ACAN: variants seen among roughly 807,000 people sequenced by gnomAD.
ACAN encodes the protein aggrecan core protein.
Under a neutral mutation model 169.1 loss-of-function variants are expected in ACAN, and 47 were observed. The observed-to-expected ratio is 0.28, with a 90% CI of 0.22 to 0.35. ACAN has a LOEUF of 0.35. Among genes scored for constraint, ACAN ranks in the 10% least tolerant of loss-of-function variants. The pLI is 1.00. For synonymous variants in ACAN, 1,115 were observed against 1,112.2 expected, an observed-to-expected ratio of 1.00 and a Z score of -0.05; for missense variants, 2,716 against 2,759.9, an observed-to-expected ratio of 0.98 and a Z score of 0.36.
chr15:88,811,312 C>T (rs116913154), intron 1 of ACAN, among the ~76,000 whole-genome samples: 153 of 152,280 alleles, frequency 1.0e-3, no homozygotes, highest in Middle Eastern at 3.4e-3. Context: ...GATGGAGGGA[C>T]TTGAGCCTAA....
Position 88,837,931 on chromosome 15 carries a change from TC to T in ACAN, c.71-728del, listed in dbSNP as rs535795702. Among the ~76,000 whole-genome samples, 963 of 150,492 alleles carry T rather than the reference TC, an allele frequency of 6.4e-3. 12 individuals are homozygous for T. Among genetic ancestry groups the T allele is most frequent in the African/African-American group, 0.022 (909 of 40,724 alleles). Reference sequence around the variant, plus strand: ...AGCTGTTTTTTTTCTTTTTTTTTTTTCCCCATTCCCAGCAGATCTTTTGTTT... The same window carrying T: ...AGCTGTTTTTTTTCTTTTTTTTTTTTCCCATTCCCAGCAGATCTTTTGTTT... On this transcript the variant is annotated intron_variant, in intron 2 of 18. Coordinates refer to ENST00000560601, the MANE Select transcript of ACAN (RefSeq NM_001369268.1).
intron 1 of ACAN, among the ~76,000 whole-genome samples, chr15:88,820,319 T>C (rs1341092132): frequency 2.0e-5 from 3 of 152,104 alleles, no homozygotes; most frequent in African/African-American, 4.8e-5. Flanking sequence ...TGGATCATAA[T>C]AGGAACATGA....
At chr15:88,841,708 A>G in intron 4 of ACAN, 32 bp from the exon 5 acceptor site, 1 of 1,613,234 alleles carries the variant, frequency 6.2e-7, no homozygotes, top group Non-Finnish European at 8.5e-7. Context: ...TTGTCCCCTG[A>G]GTGTCACACC....
Position 88,858,458 on chromosome 15 carries a change from C to CTTCTGGCAT in ACAN, c.5876_5884dup (p.Ser1959_Ile1961dup), listed in dbSNP as rs1402884346. On this transcript the variant is annotated inframe_insertion, in exon 12 of 19. Coordinates refer to ENST00000560601, the MANE Select transcript of ACAN (RefSeq NM_001369268.1). This position sits in a 1 kb window ranked among gnomAD's most constrained non-coding sequence, Gnocchi z 4.0. ...ACAGCCCAAGAGGCAGGAGAAGGGC[C>CTTCTGGCAT]TTCTGGCATTTTAGAACTCAGTGGT... 3 of 1,613,730 alleles carry CTTCTGGCAT rather than the reference C, an allele frequency of 1.9e-6. No homozygotes were observed. Among genetic ancestry groups the CTTCTGGCAT allele is most frequent in the Non-Finnish European group, 2.5e-6 (3 of 1,179,896 alleles).
chr15:88,871,403 G>T lies in ACAN; in HGVS notation c.7082G>T (p.Gly2361Val). 1 of 1,613,890 alleles carries T rather than the reference G, an allele frequency of 6.2e-7. No homozygotes were observed. The highest frequency in any genetic ancestry group is 8.5e-7 in the Non-Finnish European group (1 of 1,179,892). ...GCAGACCAGGAGGTATGTGAGGAGGGCTGGAACAAGTACCAGGGCCACTGT... is the reference window on the plus strand; with the variant it reads ...GCAGACCAGGAGGTATGTGAGGAGGTCTGGAACAAGTACCAGGGCCACTGT... ...CEIDQEVCEE[G>V]WNKYQGHCYR... is the part of the protein sequence containing the mutation. The change falls in exon 15 of 19, where the codon GGC (glycine) becomes GTC (valine). Residue 2361 changes from glycine to valine, a missense_variant. By Grantham distance (109) the Gly-to-Val change is moderately radical (BLOSUM62 -3). Coordinates refer to ENST00000560601, the MANE Select transcript of ACAN (RefSeq NM_001369268.1). The surrounding 1 kb of genome is among the most constrained non-coding windows in gnomAD (Gnocchi z 7.8).
chr15:88,871,879 C>A lies in ACAN; in HGVS notation c.7220-124C>A. 2 of 891,744 alleles carry A rather than the reference C, an allele frequency of 2.2e-6. No homozygotes were observed. The highest frequency in any genetic ancestry group is 1.4e-5 in the South Asian group (1 of 69,336). 55.2% of individuals were successfully genotyped at this position (891,744 alleles called of 1,614,324 possible). On this transcript the variant is annotated intron_variant, in intron 15 of 18. Coordinates refer to ENST00000560601, the MANE Select transcript of ACAN (RefSeq NM_001369268.1). This position sits in a 1 kb window ranked among gnomAD's most constrained non-coding sequence, Gnocchi z 7.8. Reference sequence around the variant, plus strand: ...CTTGTGAGGACCTGAGAAGCACGTGCCTTGCTCCTAGGAGCCCACCCACCT... The same window carrying A: ...CTTGTGAGGACCTGAGAAGCACGTGACTTGCTCCTAGGAGCCCACCCACCT...
intron 1 of ACAN, among the ~76,000 whole-genome samples, chr15:88,832,706 GA>G (rs1302716678): frequency 6.6e-6 from 1 of 152,238 alleles, no homozygotes; most frequent in Non-Finnish European, 1.5e-5. Context: ...TGTTGTGTTT[GA>G]AATGAATGCA....
In ACAN at chr15:88,870,081, T is replaced by G. The variant is rs1227795838; in HGVS notation, c.7061-1301T>G. On this transcript the variant is annotated intron_variant, in intron 14 of 18. Transcript: ENST00000560601. This position sits in a 1 kb window ranked among gnomAD's most constrained non-coding sequence, Gnocchi z 6.3. ...TCTTTCCAGACTGCAGCCTCACCCC[T>G]TGGGGAAGGCATTCATAGCTGAGGC... is the stretch of plus-strand genomic sequence containing the variant. Among the ~76,000 whole-genome samples the G allele has an allele frequency of 6.6e-6, 1 of 152,296 alleles. No homozygotes were observed. Among genetic ancestry groups the G allele is most frequent in the African/African-American group, 2.4e-5 (1 of 41,564 alleles).
Position 88,868,427 on chromosome 15 carries a change from G to A in ACAN, c.7060+98G>A. Reference sequence around the variant, plus strand: ...AACAACAGGCTCCAGGCCCTGGCTGGGGCCCCCGAGGTTCATCTGGAGAGC... The same window carrying A: ...AACAACAGGCTCCAGGCCCTGGCTGAGGCCCCCGAGGTTCATCTGGAGAGC... On this transcript the variant is annotated intron_variant, in intron 14 of 18. Coordinates refer to ENST00000560601, the MANE Select transcript of ACAN (RefSeq NM_001369268.1). The surrounding 1 kb of genome is among the most constrained non-coding windows in gnomAD (Gnocchi z 5.2). 2 of 595,372 alleles carry A rather than the reference G, an allele frequency of 3.4e-6. No individual in the cohort carries two copies. The highest frequency in any genetic ancestry group is 6.0e-6 in the Non-Finnish European group (2 of 332,562). The allele number at this position is 595,372 out of a possible 1,614,324, so 36.9% of individuals were successfully genotyped here.
rs532317090 is a variant in ACAN at position 88,842,296 on chromosome 15, C to A, written c.757+429C>A. 3.3e-3 allele frequency among the ~76,000 whole-genome samples: 500 copies of A among 152,282 alleles called. 4 individuals carry two copies. Among genetic ancestry groups the A allele is most frequent in the African/African-American group, 0.012 (484 of 41,550 alleles). On this transcript the variant is annotated intron_variant, in intron 5 of 18. Transcript: ENST00000560601. ...CAGGGCAGCTGGCCACCCAGCCACC[C>A]TCTCCCAGAGTCCCTGTGGGCAGCC...
In ACAN at chr15:88,869,581, A is replaced by C. The variant is rs557041941; in HGVS notation, c.7060+1252A>C. Among the ~76,000 whole-genome samples the C allele has an allele frequency of 2.6e-5, 4 of 152,318 alleles. No individual in the cohort carries two copies. The East Asian group carries it at 7.7e-4, about 29-fold the overall frequency. ...TCCCCATGATACCACAACATTTGCC[A>C]CAGGGTAGAAGAGTCTGGGACTTCC... On this transcript the variant is annotated intron_variant, in intron 14 of 18. Transcript: ENST00000560601. This position sits in a 1 kb window ranked among gnomAD's most constrained non-coding sequence, Gnocchi z 4.2.
chr15:88,838,665 C>A lies in ACAN; in HGVS notation c.73C>A (p.His25Asn), dbSNP rs1198280822. 2 of 1,578,508 alleles carry A rather than the reference C, an allele frequency of 1.3e-6. No individual in the cohort carries two copies. Among genetic ancestry groups the A allele is most frequent in the South Asian group, 2.4e-5 (2 of 83,184 alleles). The change falls in exon 3 of 19, where the codon CAT (histidine) becomes AAT (asparagine). Residue 25 changes from histidine to asparagine, a missense_variant and splice_region_variant. By Grantham distance (68) the His-to-Asn change is moderately conservative. Coordinates refer to ENST00000560601, the MANE Select transcript of ACAN (RefSeq NM_001369268.1). This position sits in a 1 kb window ranked among gnomAD's most constrained non-coding sequence, Gnocchi z 5.1. The part of the protein sequence containing the change: ...TAAVTVETSD[H>N]DNSLSVSIPQ... ...TCTACCCCACCTCTCCCACACAGACCATGACAACTCGCTGAGTGTCAGCAT... is the reference window on the plus strand; with the variant it reads ...TCTACCCCACCTCTCCCACACAGACAATGACAACTCGCTGAGTGTCAGCAT...
At chr15:88,846,123 T>C (rs1231307608) in intron 7 of ACAN, among the ~76,000 whole-genome samples, 1 of 152,202 alleles carries the variant, frequency 6.6e-6, no homozygotes, top group Non-Finnish European at 1.5e-5. Flanking sequence ...ATCCAGTCTC[T>C]GTATCAAGCA....
chr15:88,841,006 G>A (rs987601706), intron 4 of ACAN, among the ~76,000 whole-genome samples: 14 of 152,150 alleles, frequency 9.2e-5, no homozygotes, highest in African/African-American at 2.4e-4. Context: ...TTAGCCAGGC[G>A]TGGTGGTGGG....
chr15:88,821,763 G>T (rs1896081807), intron 1 of ACAN, among the ~76,000 whole-genome samples: 1 of 152,172 alleles, frequency 6.6e-6, no homozygotes, highest in Non-Finnish European at 1.5e-5. Context: ...ATCCTGGCCA[G>T]GATGTACTGA....
intron 6 of ACAN, 45 bp from the exon 7 acceptor site, chr15:88,845,460 G>A (rs1362134776): frequency 8.4e-6 from 13 of 1,552,598 alleles, no homozygotes; most frequent in African/African-American, 4.1e-5. Flanking sequence ...CCCTCAAGCC[G>A]GTCCCAGGCT....
In ACAN at chr15:88,843,616, C is replaced by G; in HGVS notation, c.1019C>G (p.Pro340Arg). ...VHANQTGYPD[P>R]SSRYDAICYT... ...GCCAACCAGACGGGCTACCCCGACCCCTCATCCCGCTACGACGCCATCTGC... is the reference window on the plus strand; with the variant it reads ...GCCAACCAGACGGGCTACCCCGACCGCTCATCCCGCTACGACGCCATCTGC... The change falls in exon 6 of 19, where the codon CCC becomes CGC. Residue 340 changes from proline to arginine, a missense_variant. This residue lies in a region of ACAN where 1,283 missense variants were observed against 1,281.5 expected (regional missense o/e 1.00). Transcript: ENST00000560601. This position sits in a 1 kb window ranked among gnomAD's most constrained non-coding sequence, Gnocchi z 4.0. The G allele has an allele frequency of 1.3e-6, 2 of 1,592,054 alleles. No homozygotes were observed. The highest frequency in any genetic ancestry group is 1.7e-6 in the Non-Finnish European group (2 of 1,163,234).
rs969566479 is a variant in ACAN at position 88,809,646 on chromosome 15, G to A, written c.-8+5837G>A. Among the ~76,000 whole-genome samples, 4 of 152,350 alleles carry A rather than the reference G, an allele frequency of 2.6e-5. No homozygotes were observed. In the South Asian group the frequency reaches 8.3e-4, roughly 32 times the overall value. On this transcript the variant is annotated intron_variant, in intron 1 of 18. Coordinates refer to ENST00000560601, the MANE Select transcript of ACAN (RefSeq NM_001369268.1). ...TCACTTTGTCACTCCTCCATCCTTT[G>A]CAAGATGCAGGGACCTCTGGTTCCC...
chr15:88,835,716 C>T (rs1896485719), intron 1 of ACAN, among the ~76,000 whole-genome samples: 1 of 152,224 alleles, frequency 6.6e-6, no homozygotes, highest in Admixed American at 6.5e-5. Context: ...CTCTCTTTCT[C>T]AGGACAGGTC....
Sources: allele counts gnomAD v4.1 joint callset (sites outside exome capture counted in the v4.1 genomes callset), GRCh38; gene constraint gnomAD v4.1.1; regional missense constraint gnomAD v4.1.1; non-coding constraint Gnocchi (gnomAD v3.1); transcripts MANE v1.5; gene names NCBI Gene and HGNC (gene_info 2026-07-23, HGNC 2026-07-21).